SNTB2: variants seen among roughly 807,000 people sequenced by gnomAD.
SNTB2 encodes beta-2-syntrophin.
In SNTB2, 34 loss-of-function variants were observed where a neutral mutation model predicts 46.2. The ratio of observed to expected loss-of-function variants is 0.74; its 90% CI spans 0.56 to 0.98. The LOEUF (loss-of-function observed/expected upper bound fraction) is 0.98, where lower values mean the gene tolerates loss of function less well. SNTB2 is among the 50% of genes least tolerant of loss of function. SNTB2 has a pLI of 0.00. For missense variants in SNTB2, 603 were observed against 731.4 expected, an observed-to-expected ratio of 0.82 and a Z score of 2.02; for synonymous variants, 290 against 312.6, an observed-to-expected ratio of 0.93 and a Z score of 0.76.
intron 2 of SNTB2, among the ~76,000 whole-genome samples, chr16:69,246,067 G>A (rs1055064316): frequency 6.6e-6 from 1 of 152,126 alleles, no homozygotes; most frequent in South Asian, 2.1e-4. Flanking sequence ...GACTAAAGGG[G>A]TGAAAGAAAG....
intron 1 of SNTB2, among the ~76,000 whole-genome samples, chr16:69,205,316 ATT>A (rs34575541): frequency 0.039 from 5,068 of 130,906 alleles, 100 homozygotes; most frequent in Middle Eastern, 0.094. Context: ...CGCTTGGCAA[ATT>A]TTTTTTTTTT....
intron 1 of SNTB2, among the ~76,000 whole-genome samples, chr16:69,241,613 C>A (rs1964615468): frequency 6.6e-6 from 1 of 150,676 alleles, no homozygotes; most frequent in Non-Finnish European, 1.5e-5. Flanking sequence ...ATGGTGAAAC[C>A]CCGTCTCTAC....
chr16:69,300,742 T>C, intron 6 of SNTB2, 90 bp from the exon 7 acceptor site: 2 of 897,938 alleles, frequency 2.2e-6, no homozygotes, highest in Admixed American at 3.7e-5. Context: ...GCACATTCTT[T>C]ACCTACCTTA....
intron 4 of SNTB2, among the ~76,000 whole-genome samples, chr16:69,270,867 G>A (rs913547977): frequency 2.0e-5 from 3 of 152,196 alleles, no homozygotes; most frequent in Admixed American, 6.5e-5. Flanking sequence ...TGTTTTAAGG[G>A]ATCATAACTG....
chr16:69,226,060 GTTC>G (rs1373150091), intron 1 of SNTB2, among the ~76,000 whole-genome samples: 1 of 151,396 alleles, frequency 6.6e-6, no homozygotes, highest in Non-Finnish European at 1.5e-5. Context: ...GAGATGCCCA[GTTC>G]TTCTGTTTTT....
At chr16:69,299,213 G>T (rs142558124) in intron 5 of SNTB2, among the ~76,000 whole-genome samples, 1,630 of 151,142 alleles carry the variant, frequency 0.011, 27 homozygotes, top group African/African-American at 0.038. Flanking sequence ...TGCAATCTTG[G>T]CTCACTGCAA....
chr16:69,288,083 C>G (rs76194768), intron 5 of SNTB2, among the ~76,000 whole-genome samples: 7,626 of 151,930 alleles, frequency 0.05, 264 homozygotes, highest in Non-Finnish European at 0.071. Flanking sequence ...TGGCTTACAC[C>G]AGAATCACAC....
At chr16:69,209,393 TTTTACTATAAGCTTGGTATG>T (rs1471523588) in intron 1 of SNTB2, among the ~76,000 whole-genome samples, 4 of 152,208 alleles carry the variant, frequency 2.6e-5, no homozygotes, top group African/African-American at 7.2e-5. Flanking sequence ...TATACATGCC[TTTTACTATAAGCTTGGTATG>T]TTTAATTCTG....
At chr16:69,275,342 T>C (rs936813803) in intron 4 of SNTB2, among the ~76,000 whole-genome samples, 1 of 152,202 alleles carries the variant, frequency 6.6e-6, no homozygotes, top group Non-Finnish European at 1.5e-5. Flanking sequence ...TCTGGGATTA[T>C]AAGTATGAGC....
chr16:69,240,097 A>T (rs1247504557), intron 1 of SNTB2, among the ~76,000 whole-genome samples: 1 of 152,200 alleles, frequency 6.6e-6, no homozygotes, highest in African/African-American at 2.4e-5. Context: ...ATTAGTGTAC[A>T]GGCTTTTGTG....
chr16:69,215,268 C>T (rs370069979), intron 1 of SNTB2, among the ~76,000 whole-genome samples: 1 of 151,986 alleles, frequency 6.6e-6, no homozygotes, highest in Non-Finnish European at 1.5e-5. Context: ...GCCTGTTGTC[C>T]CAGCTACACG....
intron 1 of SNTB2, among the ~76,000 whole-genome samples, chr16:69,189,005 G>A (rs557464043): frequency 6.6e-6 from 1 of 152,284 alleles, no homozygotes; most frequent in East Asian, 1.9e-4. Flanking sequence ...AGAAGGGAAG[G>A]GCTGGGGGCT....
chr16:69,200,811 G>A (rs1964153756), intron 1 of SNTB2, among the ~76,000 whole-genome samples: 1 of 152,040 alleles, frequency 6.6e-6, no homozygotes, highest in Admixed American at 6.6e-5. Context: ...CACCGAGTCT[G>A]GCCCTGTGAT....
chr16:69,243,679 A>G (rs1036066080), intron 1 of SNTB2, among the ~76,000 whole-genome samples: 6 of 152,162 alleles, frequency 3.9e-5, no homozygotes, highest in African/African-American at 1.2e-4. Flanking sequence ...ATTTCTGCCA[A>G]AGTCCTTCAA....
At chr16:69,233,508 A>G (rs1396904728) in intron 1 of SNTB2, among the ~76,000 whole-genome samples, 1 of 152,112 alleles carries the variant, frequency 6.6e-6, no homozygotes, top group African/African-American at 2.4e-5. Flanking sequence ...GGATTACTTC[A>G]TGTTGGCAAG....
At position 69,299,663 on chromosome 16, in the gene SNTB2, T is replaced by C. The variant is rs1965260807; in HGVS notation, c.1419T>C (p.Asn473=). The C allele has an allele frequency of 1.9e-6, 3 of 1,614,150 alleles. No homozygotes were observed. In the East Asian group the frequency reaches 6.7e-5, roughly 36 times the overall value. ...ATGGGTTCACCATCTCAAGGGAAAA[T>C]GGAGGCTCCAGCAGCATATTGTACC... ...YENGFTISRE[N]GGSSSILYRY... The change falls in exon 6 of 7, where the codon AAT becomes AAC. Residue 473 remains asparagine (N), a synonymous_variant. Transcript: ENST00000336278.
chr16:69,187,774 C>CG (rs1964008577), intron 1 of SNTB2, 28 bp downstream of exon 1: 5 of 1,280,686 alleles, frequency 3.9e-6, no homozygotes, highest in Non-Finnish European at 5.1e-6. Flanking sequence ...GGAGGGTGGG[C>CG]AGGCCGCGGC....
At position 69,308,401 on chromosome 16, in the gene SNTB2, C is replaced by T. The variant is rs1436890649; in HGVS notation, c.*7477C>T. On this transcript the variant is annotated 3_prime_UTR_variant, in exon 7 of 7. Coordinates refer to ENST00000336278, the MANE Select transcript of SNTB2 (RefSeq NM_006750.4). ...ATTCTCGATGATATTCTCACTTTGT[C>T]GCAAATCTGCCCTTATCGTAAGAAC... 6.6e-6 allele frequency: 1 copy of T among 152,474 alleles called. No homozygotes were observed. The highest frequency in any genetic ancestry group is 1.5e-5 in the Non-Finnish European group (1 of 68,034). 9.4% of individuals were successfully genotyped at this position (152,474 alleles called of 1,614,324 possible).
At chr16:69,290,361 A>G (rs767578349) in intron 5 of SNTB2, among the ~76,000 whole-genome samples, 23 of 152,206 alleles carry the variant, frequency 1.5e-4, no homozygotes, top group Non-Finnish European at 2.6e-4. Flanking sequence ...TTTTTAAGTC[A>G]TACGAGAACT....
Sources: gnomAD v4.1 joint callset for allele counts (sites outside exome capture counted in the v4.1 genomes callset) on GRCh38, gnomAD v4.1.1 for gene constraint, MANE v1.5 for transcripts, NCBI Gene and HGNC (gene_info 2026-07-23, HGNC 2026-07-21) for gene names.